Variants in C10orf62 observed in about 807,000 individuals in gnomAD.
The protein encoded by C10orf62 is chromosome 10 open reading frame 62, also known as uncharacterized protein C10orf62.
For synonymous variants in C10orf62, 94 were observed against 109.7 expected, an observed-to-expected ratio of 0.86 and a Z score of 0.89; for missense variants, 279 against 281.9, an observed-to-expected ratio of 0.99 and a Z score of 0.07.
In C10orf62 at chr10:97,590,173, A is replaced by T. The variant is rs761616246; in HGVS notation, c.276A>T (p.Glu92Asp). ...HGEVGSALHR[E>D]SFTSRQKTSG... ...AAGTGGGCTCCGCTCTGCACCGGGA[A>T]TCCTTCACCAGCAGGCAGAAGACAT... The change falls in exon 1 of 1, where the codon GAA becomes GAT. Residue 92 changes from glutamate to aspartate, a missense_variant. Transcript: ENST00000370640. The T allele has an allele frequency of 6.2e-7, 1 of 1,614,074 alleles. No homozygotes were observed. Among genetic ancestry groups the T allele is most frequent in the East Asian group, 2.2e-5 (1 of 44,886 alleles).
rs751546544 is a variant in C10orf62, at chr10:97,589,923, G to A, written c.26G>A (p.Arg9Lys). 2 of 1,613,456 alleles carry A rather than the reference G, an allele frequency of 1.2e-6. No homozygotes were observed. Among genetic ancestry groups the A allele is most frequent in the Non-Finnish European group, 1.7e-6 (2 of 1,179,642 alleles). Residue 9 changes from arginine to lysine, a missense_variant, in exon 1 of 1, where the codon AGA (arginine) becomes AAA (lysine). Transcript: ENST00000370640. ...ATGCTGTGGGTTCAGAGAAAGAGGA[G>A]AAGAAAGGAAACCTCTGAGTGTCCA... MLWVQRKRRRKETSECPSD... is the reference protein window; with the variant it reads MLWVQRKRKRKETSECPSD...
In C10orf62 at chr10:97,589,825, C is replaced by A. The variant is rs2041003439; in HGVS notation, c.-73C>A. The A allele has an allele frequency of 8.2e-7, 1 of 1,225,266 alleles. No homozygotes were observed. The highest frequency in any genetic ancestry group is 1.2e-6 in the Non-Finnish European group (1 of 850,500). The allele number at this position is 1,225,266 out of a possible 1,614,324, so 75.9% of individuals were successfully genotyped here. On this transcript the variant is annotated 5_prime_UTR_variant, in exon 1 of 1. Transcript: ENST00000370640. ...CCTGGTGTAGGGTCCTGGAGACCTT[C>A]TTGGAGCTCATCCAGCAGCCATCAT...
rs1211727831 is a variant in C10orf62, at chr10:97,590,492, T to A, written c.595T>A (p.Phe199Ile). 1.9e-6 allele frequency: 3 copies of A among 1,613,158 alleles called. No homozygotes were observed. The highest frequency in any genetic ancestry group is 2.5e-6 in the Non-Finnish European group (3 of 1,179,978). The stretch of plus-strand genomic sequence containing the variant: ...AGCTGGTGCCAATCACACACACACC[T>A]TCTATGGCCACAGTCACCACAGTCA... ...TIAGANHTHT[F>I]YGHSHHSHHG... is the part of the protein sequence containing the mutation. The change falls in exon 1 of 1, where the codon TTC (phenylalanine) becomes ATC (isoleucine). Residue 199 changes from phenylalanine to isoleucine, a missense_variant. By Grantham distance (21) the Phe-to-Ile change is conservative. Transcript: ENST00000370640.
Position 97,590,004 on chromosome 10 carries a change from A to T in C10orf62, c.107A>T (p.Lys36Ile), listed in dbSNP as rs1409411529. ...AAAGCAAAGAATGAAAGCTGGATTA[A>T]ATCCCACTTTAGCCGCCTTTCCGAA... The part of the protein sequence containing the change: ...SHKAKNESWI[K>I]SHFSRLSEEK... The change falls in exon 1 of 1, where the codon AAA becomes ATA. Residue 36 changes from lysine (K) to isoleucine (I), a missense_variant. Physicochemically the swap from Lys to Ile is moderately radical, Grantham distance 102. Coordinates refer to ENST00000370640, the MANE Select transcript of C10orf62 (RefSeq NM_001009997.3). 2 of 1,614,176 alleles carry T rather than the reference A, an allele frequency of 1.2e-6. No individual in the cohort carries two copies. The highest frequency in any genetic ancestry group is 3.3e-5 in the Admixed American group (2 of 60,020).
rs2041013219 is a variant in C10orf62, at chr10:97,590,533, C to G, written c.636C>G (p.Ser212Arg). 4 of 1,612,388 alleles carry G rather than the reference C, an allele frequency of 2.5e-6. No homozygotes were observed. Among genetic ancestry groups the G allele is most frequent in the Non-Finnish European group, 3.4e-6 (4 of 1,179,918 alleles). The change falls in exon 1 of 1, where the codon AGC becomes AGG. Residue 212 changes from serine (S) to arginine (R), a missense_variant. Coordinates refer to ENST00000370640, the MANE Select transcript of C10orf62 (RefSeq NM_001009997.3). The stretch of plus-strand genomic sequence containing the variant: ...ACCACAGTCACCATGGCCACCCAAG[C>G]CACCAGAGCCACAGCCTGCCTAATC... ...HSHHSHHGHP[S>R]HQSHSLPNRR... is the part of the protein sequence containing the mutation.
At position 97,590,760 on chromosome 10, in the gene C10orf62, G is replaced by A; in HGVS notation, c.*191G>A. The A allele has an allele frequency of 1.6e-6, 1 of 630,304 alleles. No homozygotes were observed. The allele number at this position is 630,304 out of a possible 1,614,324, so 39.0% of individuals were successfully genotyped here. On this transcript the variant is annotated 3_prime_UTR_variant, in exon 1 of 1. Transcript: ENST00000370640. ...ATGGGCTCTTTAAACTCCATGAGTG[G>A]GGTCTGCCACAGAAGATGGCCCCTG...
chr10:97,590,494 C>T lies in C10orf62; in HGVS notation c.597C>T (p.Phe199=), dbSNP rs1283384868. Reference sequence around the variant, plus strand: ...CTGGTGCCAATCACACACACACCTTCTATGGCCACAGTCACCACAGTCACC... The same window carrying T: ...CTGGTGCCAATCACACACACACCTTTTATGGCCACAGTCACCACAGTCACC... ...TIAGANHTHT[F]YGHSHHSHHG... The change falls in exon 1 of 1, where the codon TTC becomes TTT. Residue 199 remains phenylalanine (F), a synonymous_variant. Transcript: ENST00000370640. The T allele has an allele frequency of 3.1e-6, 5 of 1,613,150 alleles. No homozygotes were observed. Among genetic ancestry groups the T allele is most frequent in the Middle Eastern group, 1.8e-4 (1 of 5,568 alleles).
Position 97,590,457 on chromosome 10 carries a change from A to AGG in C10orf62, c.560_561insGG (p.Asn188GlufsTer4). ...CAAAAGAATTTCCTCACCCAGCGGGAAAACACCATAGCTGGTGCCAATCAC... is the reference window on the plus strand; with the variant it reads ...CAAAAGAATTTCCTCACCCAGCGGGAGGAAACACCATAGCTGGTGCCAATCAC... On this transcript the variant is annotated frameshift_variant, in exon 1 of 1. Coordinates refer to ENST00000370640, the MANE Select transcript of C10orf62 (RefSeq NM_001009997.3). LOFTEE classifies it low-confidence loss of function (END_TRUNC). The AGG allele has an allele frequency of 6.2e-7, 1 of 1,613,862 alleles. No individual in the cohort carries two copies. Among genetic ancestry groups the AGG allele is most frequent in the Non-Finnish European group, 8.5e-7 (1 of 1,180,036 alleles).
chr10:97,589,866 G>A lies in C10orf62; in HGVS notation c.-32G>A, dbSNP rs769018488. On this transcript the variant is annotated 5_prime_UTR_variant, in exon 1 of 1. Coordinates refer to ENST00000370640, the MANE Select transcript of C10orf62 (RefSeq NM_001009997.3). The stretch of plus-strand genomic sequence containing the variant: ...CAGCCATCATGCAAGGTGGTGCTGG[G>A]GACTGCCCTCTTGCTAGGAGGTGGA... 1.4e-5 allele frequency: 22 copies of A among 1,562,194 alleles called. No homozygotes were observed. Among genetic ancestry groups the A allele is most frequent in the Non-Finnish European group, 1.8e-5 (21 of 1,138,590 alleles).
Position 97,589,764 on chromosome 10 carries a change from A to G in C10orf62, c.-134A>G. On this transcript the variant is annotated 5_prime_UTR_variant, in exon 1 of 1. Coordinates refer to ENST00000370640, the MANE Select transcript of C10orf62 (RefSeq NM_001009997.3). Reference sequence around the variant, plus strand: ...TGCCCTTTCAAGCATGAATCATACCACCAGAGATCACCCAGCGTGCTCTTA... The same window carrying G: ...TGCCCTTTCAAGCATGAATCATACCGCCAGAGATCACCCAGCGTGCTCTTA... The G allele has an allele frequency of 5.6e-6, 4 of 710,840 alleles. No homozygotes were observed. The highest frequency in any genetic ancestry group is 9.8e-6 in the Non-Finnish European group (4 of 407,198). The allele number at this position is 710,840 out of a possible 1,614,324, so 44.0% of individuals were successfully genotyped here.
In C10orf62 at chr10:97,589,829, G is replaced by A; in HGVS notation, c.-69G>A. 7.9e-7 allele frequency: 1 copy of A among 1,260,634 alleles called. No homozygotes were observed. Among genetic ancestry groups the A allele is most frequent in the South Asian group, 1.3e-5 (1 of 74,304 alleles). The allele number at this position is 1,260,634 out of a possible 1,614,324, so 78.1% of individuals were successfully genotyped here. A position where few individuals can be genotyped will look rare whatever the true frequency, so the allele number is the denominator to read the frequency against. ...GTGTAGGGTCCTGGAGACCTTCTTG[G>A]AGCTCATCCAGCAGCCATCATGCAA... On this transcript the variant is annotated 5_prime_UTR_variant, in exon 1 of 1. Coordinates refer to ENST00000370640, the MANE Select transcript of C10orf62 (RefSeq NM_001009997.3).
rs370827332 is a variant in C10orf62, at chr10:97,590,059, C to A, written c.162C>A (p.Ser54Arg). 5 of 1,614,130 alleles carry A rather than the reference C, an allele frequency of 3.1e-6. No individual in the cohort carries two copies. The highest frequency in any genetic ancestry group is 3.4e-6 in the Non-Finnish European group (4 of 1,180,016). Reference sequence around the variant, plus strand: ...AGCTGGCCCTCGACAACAATGCCAGCGCTAGTGGCAATGCTACCCAGACTG... The same window carrying A: ...AGCTGGCCCTCGACAACAATGCCAGAGCTAGTGGCAATGCTACCCAGACTG... Reference protein sequence around the residue: ...EEKLALDNNASASGNATQTES... With the variant: ...EEKLALDNNARASGNATQTES... The change falls in exon 1 of 1, where the codon AGC becomes AGA. Residue 54 changes from serine (S) to arginine (R), a missense_variant. Coordinates refer to ENST00000370640, the MANE Select transcript of C10orf62 (RefSeq NM_001009997.3).
At position 97,589,925 on chromosome 10, in the gene C10orf62, AGAAAG is replaced by A; in HGVS notation, c.33_37del (p.Lys11AsnfsTer3). 1 of 1,613,678 alleles carries A rather than the reference AGAAAG, an allele frequency of 6.2e-7. No homozygotes were observed. The highest frequency in any genetic ancestry group is 8.5e-7 in the Non-Finnish European group (1 of 1,179,704). ...GCTGTGGGTTCAGAGAAAGAGGAGA[AGAAAG>A]GAAACCTCTGAGTGTCCATCAGACA... On this transcript the variant is annotated frameshift_variant, in exon 1 of 1. Coordinates refer to ENST00000370640, the MANE Select transcript of C10orf62 (RefSeq NM_001009997.3). LOFTEE classifies it low-confidence loss of function (END_TRUNC).
chr10:97,589,838 C>A lies in C10orf62; in HGVS notation c.-60C>A. ...CCTGGAGACCTTCTTGGAGCTCATC[C>A]AGCAGCCATCATGCAAGGTGGTGCT... On this transcript the variant is annotated 5_prime_UTR_variant, in exon 1 of 1. Transcript: ENST00000370640. The A allele has an allele frequency of 7.3e-7, 1 of 1,366,730 alleles. No individual in the cohort carries two copies. Among genetic ancestry groups the A allele is most frequent in the Non-Finnish European group, 1.0e-6 (1 of 974,790 alleles). 84.7% of individuals were successfully genotyped at this position (1,366,730 alleles called of 1,614,324 possible). A position where few individuals can be genotyped will look rare whatever the true frequency, so the allele number is the denominator to read the frequency against.
chr10:97,590,694 T>G lies in C10orf62; in HGVS notation c.*125T>G, dbSNP rs2041014943. On this transcript the variant is annotated 3_prime_UTR_variant, in exon 1 of 1. Transcript: ENST00000370640. The stretch of plus-strand genomic sequence containing the variant: ...ATCTATGCAGGCCAGGGTGAGATGC[T>G]GTGCCCAAATCCCTACTTTCTTAGG... The G allele has an allele frequency of 1.1e-6, 1 of 884,782 alleles. No individual in the cohort carries two copies. The highest frequency in any genetic ancestry group is 2.6e-5 in the Admixed American group (1 of 38,646). The allele number at this position is 884,782 out of a possible 1,614,324, so 54.8% of individuals were successfully genotyped here. A position where few individuals can be genotyped will look rare whatever the true frequency, so the allele number is the denominator to read the frequency against.
In C10orf62 at chr10:97,589,861, G is replaced by A. The variant is rs1363276622; in HGVS notation, c.-37G>A. On this transcript the variant is annotated 5_prime_UTR_variant, in exon 1 of 1. Transcript: ENST00000370640. ...TCCAGCAGCCATCATGCAAGGTGGT[G>A]CTGGGGACTGCCCTCTTGCTAGGAG... The A allele has an allele frequency of 2.6e-6, 4 of 1,538,084 alleles. No individual in the cohort carries two copies. The African/African-American group carries it at 4.1e-5, about 16-fold the overall frequency.
chr10:97,590,456 G>A lies in C10orf62; in HGVS notation c.559G>A (p.Glu187Lys). 6.2e-7 allele frequency: 1 copy of A among 1,613,830 alleles called. No individual in the cohort carries two copies. Reference protein sequence around the residue: ...KLQKNFLTQRENTIAGANHTH... With the variant: ...KLQKNFLTQRKNTIAGANHTH... ...GCAAAAGAATTTCCTCACCCAGCGG[G>A]AAAACACCATAGCTGGTGCCAATCA... Residue 187 changes from glutamate (E) to lysine (K), a missense_variant, in exon 1 of 1, where the codon GAA becomes AAA. Coordinates refer to ENST00000370640, the MANE Select transcript of C10orf62 (RefSeq NM_001009997.3).
chr10:97,590,761 G>A lies in C10orf62; in HGVS notation c.*192G>A. 4 of 628,438 alleles carry A rather than the reference G, an allele frequency of 6.4e-6. No homozygotes were observed. The highest frequency in any genetic ancestry group is 1.1e-5 in the Non-Finnish European group (4 of 351,590). 38.9% of individuals were successfully genotyped at this position (628,438 alleles called of 1,614,324 possible). ...TGGGCTCTTTAAACTCCATGAGTGG[G>A]GTCTGCCACAGAAGATGGCCCCTGT... On this transcript the variant is annotated 3_prime_UTR_variant, in exon 1 of 1. Transcript: ENST00000370640.
rs145450971 is a variant in C10orf62, at chr10:97,590,453, C to T, written c.556C>T (p.Arg186Trp). 8.8e-4 allele frequency: 1,428 copies of T among 1,613,714 alleles called. 1 individual carries two copies. Among genetic ancestry groups the T allele is most frequent in the Admixed American group, 1.2e-3 (74 of 60,006 alleles). Reference sequence around the variant, plus strand: ...GCTGCAAAAGAATTTCCTCACCCAGCGGGAAAACACCATAGCTGGTGCCAA... The same window carrying T: ...GCTGCAAAAGAATTTCCTCACCCAGTGGGAAAACACCATAGCTGGTGCCAA... ...MKLQKNFLTQ[R>W]ENTIAGANHT... The change falls in exon 1 of 1, where the codon CGG (arginine) becomes TGG (tryptophan). Residue 186 changes from arginine to tryptophan, a missense_variant. Transcript: ENST00000370640.
Sources: gnomAD v4.1 joint callset for allele counts on GRCh38, gnomAD v4.1.1 for gene constraint, MANE v1.5 for transcripts, NCBI Gene and HGNC (gene_info 2026-07-23, HGNC 2026-07-21) for gene names.